The following CREBBP variants were observed in gnomAD, a reference collection of about 807,000 sequenced individuals.
CREBBP encodes CREB binding lysine acetyltransferase, also known as CREB-binding protein.
A neutral mutation model predicts 265.0 loss-of-function variants in CREBBP; 19 were observed. The ratio of observed to expected loss-of-function variants is 0.07; its 90% CI spans 0.05 to 0.11. The LOEUF (loss-of-function observed/expected upper bound fraction) is 0.11. Among genes scored for constraint, CREBBP ranks in the 10% least tolerant of loss-of-function variants. The pLI is 1.00. For synonymous variants in CREBBP, 1,457 were observed against 1,223.7 expected (o/e 1.19, Z -3.98); for missense variants, 2,525 against 3,219.0 (o/e 0.78, Z 5.22).
intron 19 of CREBBP, 58 bp downstream of exon 19, chr16:3,757,230 T>A (rs538570538): frequency 4.7e-5 from 64 of 1,348,504 alleles, no homozygotes; most frequent in Non-Finnish European, 4.7e-5. Context: ...ACACAGACTA[T>A]AACCAGATGA....
chr16:3,758,856 G>T lies in CREBBP; in HGVS notation c.3367C>A (p.Pro1123Thr). The change falls in exon 17 of 31, where the codon CCA (proline) becomes ACA (threonine). Residue 1123 changes from proline (P) to threonine (T), a missense_variant and splice_region_variant. Physicochemically the swap from Pro to Thr is conservative, Grantham distance 38. Coordinates refer to ENST00000262367, the MANE Select transcript of CREBBP (RefSeq NM_004380.3). ...TCTATTTTTATGAATTAACTTACTG[G>T]AATTCCGAGGAGCTGGGGATCTACA... ...QPVDPQLLGIPDYFDIVKNPM... is the reference protein window; with the variant it reads ...QPVDPQLLGITDYFDIVKNPM... 1 of 1,606,298 alleles carries T rather than the reference G, an allele frequency of 6.2e-7. No homozygotes were observed. The highest frequency in any genetic ancestry group is 1.1e-5 in the South Asian group (1 of 90,868).
rs374379164 is a variant in CREBBP at position 3,728,261 on chromosome 16, G to A, written c.6786C>T (p.Gly2262=). Residue 2262 remains glycine, a synonymous_variant, in exon 31 of 31, where the codon GGC becomes GGT. Coordinates refer to ENST00000262367, the MANE Select transcript of CREBBP (RefSeq NM_004380.3). The surrounding 1 kb of genome is among the most constrained non-coding windows in gnomAD (Gnocchi z 8.7). ...QHLPLQGSSM[G]QMAAQMGQLG... Reference sequence around the variant, plus strand: ...GCTGTCCCATCTGAGCCGCCATCTGGCCCATGGAGCTGCCCTGGAGGGGGA... The same window carrying A: ...GCTGTCCCATCTGAGCCGCCATCTGACCCATGGAGCTGCCCTGGAGGGGGA... 9.9e-6 allele frequency: 16 copies of A among 1,612,416 alleles called. No individual in the cohort carries two copies. In the African/African-American group the frequency reaches 2.1e-4, roughly 22 times the overall value.
At chr16:3,739,517 C>G (rs2151336190) in intron 25 of CREBBP, 61 bp downstream of exon 25, 2 of 1,607,594 alleles carry the variant, frequency 1.2e-6, no homozygotes, top group South Asian at 2.2e-5. Context: ...CACTTAAGAG[C>G]CCTGGTCTAT....
chr16:3,813,304 T>C (rs1392499610), intron 2 of CREBBP, among the ~76,000 whole-genome samples: 1 of 152,238 alleles, frequency 6.6e-6, no homozygotes. Context: ...AGACACTAAT[T>C]CTTCTGCAAG....
intron 26 of CREBBP, 154 bp from the exon 27 acceptor site, chr16:3,736,969 G>A: frequency 2.2e-6 from 2 of 914,532 alleles, no homozygotes; most frequent in Admixed American, 2.1e-5. Flanking sequence ...GTGGGGGCAA[G>A]GCTCGAACTT....
chr16:3,823,429 T>C (rs938023387), intron 2 of CREBBP, among the ~76,000 whole-genome samples: 4 of 152,318 alleles, frequency 2.6e-5, no homozygotes, highest in Admixed American at 2.6e-4. Context: ...CCGCGTAACC[T>C]GTCAAGCTTT....
chr16:3,746,216 A>G (rs1316201591), intron 21 of CREBBP, among the ~76,000 whole-genome samples: 3 of 152,096 alleles, frequency 2.0e-5, no homozygotes, highest in African/African-American at 7.2e-5. Flanking sequence ...GCTCCTCTAA[A>G]GTGTGCCCCT....
chr16:3,859,194 T>G (rs1326349951), intron 1 of CREBBP, among the ~76,000 whole-genome samples: 2 of 152,068 alleles, frequency 1.3e-5, no homozygotes, highest in Non-Finnish European at 2.9e-5. Context: ...GAATTTTTAT[T>G]TTTTATTTTT....
At chr16:3,860,856 T>A (rs2055057821) in intron 1 of CREBBP, among the ~76,000 whole-genome samples, 1 of 152,094 alleles carries the variant, frequency 6.6e-6, no homozygotes, top group South Asian at 2.1e-4. Flanking sequence ...CTATTACTAA[T>A]TAGACACTAC....
chr16:3,833,407 A>T (rs1033732781), intron 2 of CREBBP, among the ~76,000 whole-genome samples: 1 of 152,204 alleles, frequency 6.6e-6, no homozygotes, highest in Non-Finnish European at 1.5e-5. Context: ...GTGAGAGTCC[A>T]TCTCAAAAGA....
chr16:3,801,878 T>C (rs2053720853), intron 3 of CREBBP, among the ~76,000 whole-genome samples: 1 of 152,108 alleles, frequency 6.6e-6, no homozygotes, highest in African/African-American at 2.4e-5. Flanking sequence ...GTGAGAGCCA[T>C]ACTGGTTTAA....
chr16:3,767,623 G>A, intron 16 of CREBBP, 97 bp downstream of exon 16: 2 of 1,525,966 alleles, frequency 1.3e-6, no homozygotes, highest in Non-Finnish European at 1.8e-6. Context: ...AGGGCAGATA[G>A]AATTATGTTT....
Position 3,793,661 on chromosome 16 carries a change from C to T in CREBBP, c.976-35G>A, listed in dbSNP as rs560297112. ...AGCAAAATAATAAAAATACTTTAAC[C>T]TCTCAGAGTTCCAAGTCATATTCAT... On this transcript the variant is annotated intron_variant, in intron 3 of 30. Transcript: ENST00000262367. The T allele has an allele frequency of 4.4e-6, 7 of 1,604,666 alleles. No homozygotes were observed. In the African/African-American group the frequency reaches 8.0e-5, roughly 18 times the overall value.
chr16:3,813,924 T>C (rs1001996614), intron 2 of CREBBP, among the ~76,000 whole-genome samples: 1 of 152,192 alleles, frequency 6.6e-6, no homozygotes, highest in African/African-American at 2.4e-5. Context: ...CCATCTTCCT[T>C]CCACACCAAA....
At position 3,880,413 on chromosome 16, in the gene CREBBP, C is replaced by CCGCCGCCGT. The variant is rs2055508620; in HGVS notation, c.-506_-498dup. ...GCTCCCGGCCCGCGGCCCGCCGCCGCCGCCGCCGTGAGGAAAAACAATGCG... is the reference window on the plus strand; with the variant it reads ...GCTCCCGGCCCGCGGCCCGCCGCCGCCGCCGCCGTCGCCGCCGTGAGGAAAAACAATGCG... On this transcript the variant is annotated 5_prime_UTR_variant, in exon 1 of 31. Coordinates refer to ENST00000262367, the MANE Select transcript of CREBBP (RefSeq NM_004380.3). The CCGCCGCCGT allele has an allele frequency of 6.8e-6, 1 of 146,102 alleles. No individual in the cohort carries two copies. The highest frequency in any genetic ancestry group is 6.8e-5 in the Admixed American group (1 of 14,642). The allele number at this position is 146,102 out of a possible 1,614,324, so 9.1% of individuals were successfully genotyped here.
intron 2 of CREBBP, among the ~76,000 whole-genome samples, chr16:3,838,544 G>A (rs1304885471): frequency 6.6e-6 from 1 of 151,962 alleles, no homozygotes; most frequent in Non-Finnish European, 1.5e-5. Context: ...AAAGTTAACT[G>A]GAAATACTAC....
At chr16:3,831,331 T>C (rs1213431492) in intron 2 of CREBBP, among the ~76,000 whole-genome samples, 1 of 152,216 alleles carries the variant, frequency 6.6e-6, no homozygotes, top group African/African-American at 2.4e-5. Context: ...TTAAAAAATG[T>C]ATTAAAATTT....
At position 3,744,316 on chromosome 16, in the gene CREBBP, T is replaced by A. The variant is rs3025682; in HGVS notation, c.3982+578A>T. On this transcript the variant is annotated intron_variant, in intron 23 of 30. Transcript: ENST00000262367. Reference sequence around the variant, plus strand: ...CGGCAGCCCACATAGGGCCCAGGGTTAGAGAGTGCTGGCCAACATTACACC... The same window carrying A: ...CGGCAGCCCACATAGGGCCCAGGGTAAGAGAGTGCTGGCCAACATTACACC... Among the ~76,000 whole-genome samples the A allele has an allele frequency of 8.1e-3, 1,230 of 152,196 alleles. 23 individuals are homozygous for A. Among genetic ancestry groups the A allele is most frequent in the African/African-American group, 0.028 (1,163 of 41,506 alleles).
At position 3,731,132 on chromosome 16, in the gene CREBBP, A is replaced by C; in HGVS notation, c.5172+60T>G. The C allele has an allele frequency of 6.4e-7, 1 of 1,569,102 alleles. No individual in the cohort carries two copies. The highest frequency in any genetic ancestry group is 8.7e-7 in the Non-Finnish European group (1 of 1,152,792). On this transcript the variant is annotated intron_variant, in intron 30 of 30. Coordinates refer to ENST00000262367, the MANE Select transcript of CREBBP (RefSeq NM_004380.3). This position sits in a 1 kb window ranked among gnomAD's most constrained non-coding sequence, Gnocchi z 7.7. Reference sequence around the variant, plus strand: ...CCAACCCGGGCACCCATGCAAAGGGACAGGATGCTTCGTCAGACCCCAGGC... The same window carrying C: ...CCAACCCGGGCACCCATGCAAAGGGCCAGGATGCTTCGTCAGACCCCAGGC...
Sources: allele counts gnomAD v4.1 joint callset (sites outside exome capture counted in the v4.1 genomes callset), GRCh38; gene constraint gnomAD v4.1.1; non-coding constraint Gnocchi (gnomAD v3.1); transcripts MANE v1.5; gene names NCBI Gene and HGNC (gene_info 2026-07-23, HGNC 2026-07-21).